The following ZNF423 variants were observed in gnomAD, a reference collection of about 807,000 sequenced individuals.
ZNF423 encodes Ebf-associated zinc finger protein.
In ZNF423, 12 loss-of-function variants were observed where a neutral mutation model predicts 95.8. That is an observed-to-expected ratio of 0.13 (90% CI 0.08 to 0.20). The LOEUF (loss-of-function observed/expected upper bound fraction) is 0.20. Ranked by LOEUF, ZNF423 falls within the 10% of genes least tolerant of loss-of-function variation. The pLI is 1.00. For missense variants in ZNF423, 1,316 were observed against 1,737.1 expected (o/e 0.76, Z 4.31); for synonymous variants, 749 against 711.9 (o/e 1.05, Z -0.83).
At chr16:49,519,657 T>C (rs1201840677) in intron 7 of ZNF423, among the ~76,000 whole-genome samples, 2 of 152,250 alleles carry the variant, frequency 1.3e-5, no homozygotes, top group African/African-American at 4.8e-5. Flanking sequence ...GATTTGCAAA[T>C]ATTTTCTCCC....
At chr16:49,625,248 G>A (rs982949805) in intron 5 of ZNF423, among the ~76,000 whole-genome samples, 13 of 152,246 alleles carry the variant, frequency 8.5e-5, no homozygotes, top group African/African-American at 1.2e-4. Context: ...AGCTACTTGG[G>A]AGGCTGAGGC....
At chr16:49,734,340 C>G (rs1451178956) in intron 2 of ZNF423, among the ~76,000 whole-genome samples, 1 of 152,216 alleles carries the variant, frequency 6.6e-6, no homozygotes, top group East Asian at 1.9e-4. Context: ...AACATAGGGC[C>G]CAGAGGCCCA....
At chr16:49,515,381 G>A (rs1260848955) in intron 7 of ZNF423, among the ~76,000 whole-genome samples, 1 of 152,246 alleles carries the variant, frequency 6.6e-6, no homozygotes, top group Non-Finnish European at 1.5e-5. Context: ...GTTCAGCACT[G>A]CAGGCCTCAT....
intron 5 of ZNF423, among the ~76,000 whole-genome samples, chr16:49,602,802 G>A (rs936051091): frequency 2.6e-5 from 4 of 152,134 alleles, no homozygotes; most frequent in Non-Finnish European, 4.4e-5. Context: ...TCTCCAAACC[G>A]AGCACAAGAG....
In ZNF423 at chr16:49,490,218, C is replaced by A. The variant is rs148512719; in HGVS notation, c.*1057G>T. 6.6e-6 allele frequency: 1 copy of A among 152,296 alleles called. No individual in the cohort carries two copies. Among genetic ancestry groups the A allele is most frequent in the Non-Finnish European group, 1.5e-5 (1 of 68,090 alleles). The allele number at this position is 152,296 out of a possible 1,614,324, so 9.4% of individuals were successfully genotyped here. ...TGGCAAGGGAAGGGCTACCCACTTGCCTGCCTGTATCCAACAAAGGGGAAA... is the reference window on the plus strand; with the variant it reads ...TGGCAAGGGAAGGGCTACCCACTTGACTGCCTGTATCCAACAAAGGGGAAA... On this transcript the variant is annotated 3_prime_UTR_variant, in exon 8 of 8. Transcript: ENST00000563137.
At chr16:49,677,590 G>A (rs2031168275) in intron 3 of ZNF423, among the ~76,000 whole-genome samples, 1 of 151,896 alleles carries the variant, frequency 6.6e-6, no homozygotes, top group South Asian at 2.1e-4. Flanking sequence ...TTCAAGACCA[G>A]CATGGGCAAT....
At chr16:49,678,634 C>T (rs934192865) in intron 3 of ZNF423, among the ~76,000 whole-genome samples, 1 of 152,222 alleles carries the variant, frequency 6.6e-6, no homozygotes, top group Non-Finnish European at 1.5e-5. Context: ...GTGCCAGGTG[C>T]CTGATGGGTG....
intron 7 of ZNF423, chr16:49,518,653 GT>G (rs1968258590): frequency 2.5e-6 from 1 of 392,714 alleles, no homozygotes; most frequent in South Asian, 1.9e-5. Flanking sequence ...ACAACTACTG[GT>G]CTGTTTTCTA....
chr16:49,680,349 G>A (rs1044406541), intron 3 of ZNF423, among the ~76,000 whole-genome samples: 2 of 152,254 alleles, frequency 1.3e-5, no homozygotes, highest in Non-Finnish European at 2.9e-5. Flanking sequence ...CTCTCCAGTT[G>A]TCTGCATACC....
chr16:49,768,171 G>A (rs1038153916), intron 2 of ZNF423, among the ~76,000 whole-genome samples: 1 of 152,214 alleles, frequency 6.6e-6, no homozygotes, highest in Non-Finnish European at 1.5e-5. Context: ...CTCTGCCGTG[G>A]ACAGTCTGCA....
rs759137043 is a variant in ZNF423 at position 49,505,348 on chromosome 16, C to T, written c.3850-14044G>A. Among the ~76,000 whole-genome samples, 102 of 152,216 alleles carry T rather than the reference C, an allele frequency of 6.7e-4. 2 individuals carry two copies. Among genetic ancestry groups the T allele is most frequent in the Non-Finnish European group, 2.9e-4 (20 of 68,050 alleles). On this transcript the variant is annotated intron_variant, in intron 7 of 7. Transcript: ENST00000563137. ...GCAAATGATATAAGGAAACTTTGAT[C>T]GTGTCCATTTTTACTTTCTTCCAAA...
intron 5 of ZNF423, among the ~76,000 whole-genome samples, chr16:49,538,515 C>T (rs1003488498): frequency 6.6e-6 from 1 of 152,222 alleles, no homozygotes; most frequent in African/African-American, 2.4e-5. Flanking sequence ...GATAATCCTC[C>T]CCAGGCTCCA....
chr16:49,702,482 C>T (rs999600006), intron 3 of ZNF423, among the ~76,000 whole-genome samples: 4 of 152,172 alleles, frequency 2.6e-5, no homozygotes, highest in Admixed American at 6.5e-5. Flanking sequence ...CTGAAGGAAT[C>T]TTGAGGCGAC....
At chr16:49,530,494 G>A (rs541432130) in intron 5 of ZNF423, among the ~76,000 whole-genome samples, 277 of 152,254 alleles carry the variant, frequency 1.8e-3, no homozygotes, top group Non-Finnish European at 3.1e-3. Context: ...CTCCATGAGG[G>A]CTGCTTTGCC....
At position 49,713,050 on chromosome 16, in the gene ZNF423, C is replaced by G. The variant is rs377710418; in HGVS notation, c.301+17721G>C. On this transcript the variant is annotated intron_variant, in intron 3 of 7. Transcript: ENST00000563137. Reference sequence around the variant, plus strand: ...TCAGGCCTCCATTTGTACACCTCCACTTGCCAGGCGCTGGGCCTCCAGTCT... The same window carrying G: ...TCAGGCCTCCATTTGTACACCTCCAGTTGCCAGGCGCTGGGCCTCCAGTCT... Among the ~76,000 whole-genome samples the G allele has an allele frequency of 5.3e-5, 8 of 152,244 alleles. No homozygotes were observed. The East Asian group carries it at 9.6e-4, about 18-fold the overall frequency.
intron 3 of ZNF423, among the ~76,000 whole-genome samples, chr16:49,685,155 G>A (rs1385617367): frequency 6.6e-6 from 1 of 152,192 alleles, no homozygotes; most frequent in Non-Finnish European, 1.5e-5. Flanking sequence ...CCCTCTGGAA[G>A]GTAGCAGCCC....
intron 3 of ZNF423, among the ~76,000 whole-genome samples, chr16:49,687,329 C>T (rs957508263): frequency 3.3e-5 from 5 of 152,110 alleles, no homozygotes; most frequent in African/African-American, 1.2e-4. Flanking sequence ...GGGGAAGCTT[C>T]CTCTAGTAAT....
intron 1 of ZNF423, among the ~76,000 whole-genome samples, chr16:49,846,047 T>C (rs2035241513): frequency 6.6e-6 from 1 of 151,830 alleles, no homozygotes; most frequent in Admixed American, 6.6e-5. Flanking sequence ...AAATTCAAGC[T>C]AAAAAGCCAC....
At chr16:49,806,483 G>GT (rs2034665470) in intron 1 of ZNF423, among the ~76,000 whole-genome samples, 2 of 152,284 alleles carry the variant, frequency 1.3e-5, no homozygotes, top group African/African-American at 4.8e-5. Flanking sequence ...AGAAACTAAT[G>GT]TTTTTTTACA....
Sources: allele counts gnomAD v4.1 joint callset (sites outside exome capture counted in the v4.1 genomes callset), GRCh38; gene constraint gnomAD v4.1.1; transcripts MANE v1.5; gene names NCBI Gene and HGNC (gene_info 2026-07-23, HGNC 2026-07-21).